Variants in PARVA observed in about 807,000 individuals in gnomAD.
PARVA encodes parvin alpha, also known as alpha-parvin.
Under a neutral mutation model 52.6 loss-of-function variants are expected in PARVA, and 25 were observed. The ratio of observed to expected loss-of-function variants is 0.48; its 90% CI spans 0.35 to 0.66. The LOEUF (loss-of-function observed/expected upper bound fraction) is 0.66, where lower values mean the gene tolerates loss of function less well. Ranked by LOEUF, PARVA falls within the 30% of genes least tolerant of loss-of-function variation. The pLI is 0.01. For missense variants in PARVA, 373 were observed against 450.9 expected (o/e 0.83, Z 1.56); for synonymous variants, 185 against 179.1 (o/e 1.03, Z -0.26).
chr11:12,409,947 A>G (rs1939971278), intron 1 of PARVA, among the ~76,000 whole-genome samples: 1 of 152,242 alleles, frequency 6.6e-6, no homozygotes, highest in South Asian at 2.1e-4. Flanking sequence ...TACCTGCTAC[A>G]TGCCAGGCTG....
intron 1 of PARVA, among the ~76,000 whole-genome samples, chr11:12,471,015 A>T (rs1940925500): frequency 6.6e-6 from 1 of 152,226 alleles, no homozygotes; most frequent in Non-Finnish European, 1.5e-5. Flanking sequence ...TTGGAGGCGG[A>T]GCCCACAATA....
intron 4 of PARVA, among the ~76,000 whole-genome samples, chr11:12,486,421 T>C (rs1265725129): frequency 6.6e-6 from 1 of 151,900 alleles, no homozygotes; most frequent in Non-Finnish European, 1.5e-5. Flanking sequence ...TAATCCCAGC[T>C]ACTTGGGAGG....
chr11:12,496,705 G>T, intron 5 of PARVA, 107 bp downstream of exon 5: 1 of 1,081,408 alleles, frequency 9.2e-7, no homozygotes, highest in Non-Finnish European at 1.3e-6. Flanking sequence ...AGGGGAGGGG[G>T]TCAAACTCAT....
chr11:12,415,965 A>G (rs958473841), intron 1 of PARVA, among the ~76,000 whole-genome samples: 1 of 152,232 alleles, frequency 6.6e-6, no homozygotes, highest in Non-Finnish European at 1.5e-5. Context: ...GCACTAATCT[A>G]TGCTTGCCTT....
intron 1 of PARVA, among the ~76,000 whole-genome samples, chr11:12,398,877 C>A (rs1323520566): frequency 6.6e-6 from 1 of 152,180 alleles, no homozygotes; most frequent in East Asian, 1.9e-4. Flanking sequence ...GTCACCCATG[C>A]CCATGACTTG....
chr11:12,495,480 A>G (rs1276356136), intron 4 of PARVA, among the ~76,000 whole-genome samples: 1 of 152,246 alleles, frequency 6.6e-6, no homozygotes, highest in Non-Finnish European at 1.5e-5. Context: ...AGTTCTGTCA[A>G]TCTTAAATTA....
At chr11:12,502,384 G>C (rs1030198612) in intron 5 of PARVA, among the ~76,000 whole-genome samples, 2 of 151,988 alleles carry the variant, frequency 1.3e-5, no homozygotes, top group African/African-American at 2.4e-5. Context: ...AATGGGCCTA[G>C]TGCATGCGAA....
At chr11:12,498,408 CTTACT>C (rs1589980979) in intron 5 of PARVA, among the ~76,000 whole-genome samples, 1 of 152,244 alleles carries the variant, frequency 6.6e-6, no homozygotes, top group East Asian at 1.9e-4. Flanking sequence ...TTGGTTTATG[CTTACT>C]TTAATTTCTT....
intron 4 of PARVA, among the ~76,000 whole-genome samples, chr11:12,486,198 C>G (rs1432451530): frequency 1.3e-5 from 2 of 152,156 alleles, no homozygotes; most frequent in East Asian, 3.8e-4. Context: ...CTGTTTGTAA[C>G]TTTTCTATAA....
chr11:12,377,808 C>A, intron 1 of PARVA, 25 bp downstream of exon 1: 1 of 1,469,166 alleles, frequency 6.8e-7, no homozygotes, highest in Non-Finnish European at 9.0e-7. Flanking sequence ...GCCGGCCGGG[C>A]GGGCGGTAGG....
chr11:12,427,456 G>C (rs906053288), intron 1 of PARVA, among the ~76,000 whole-genome samples: 1 of 152,110 alleles, frequency 6.6e-6, no homozygotes, highest in African/African-American at 2.4e-5. Context: ...TGAATACATG[G>C]CTATTTTAGC....
chr11:12,434,373 C>T (rs1447769237), intron 1 of PARVA, among the ~76,000 whole-genome samples: 1 of 152,094 alleles, frequency 6.6e-6, no homozygotes, highest in Non-Finnish European at 1.5e-5. Flanking sequence ...CCTGCTGGGA[C>T]CCCCAGTACT....
intron 1 of PARVA, among the ~76,000 whole-genome samples, chr11:12,431,637 T>C (rs1940317870): frequency 6.6e-6 from 1 of 152,242 alleles, no homozygotes; most frequent in Non-Finnish European, 1.5e-5. Context: ...AAAGGCCACC[T>C]GTCCCATGCT....
rs372026167 is a variant in PARVA at position 12,438,340 on chromosome 11, G to A, written c.137-35405G>A. On this transcript the variant is annotated intron_variant, in intron 1 of 12. Coordinates refer to ENST00000334956, the MANE Select transcript of PARVA (RefSeq NM_018222.5). ...GGAGGCTAGGAAGTACAAGATTGAGGGGCTTCATCTGGTGAGGAGCTTCTT... is the reference window on the plus strand; with the variant it reads ...GGAGGCTAGGAAGTACAAGATTGAGAGGCTTCATCTGGTGAGGAGCTTCTT... Among the ~76,000 whole-genome samples, 6 of 152,026 alleles carry A rather than the reference G, an allele frequency of 3.9e-5. No individual in the cohort carries two copies. The East Asian group carries it at 9.7e-4, about 25-fold the overall frequency.
At chr11:12,507,811 ACTT>A (rs1941451008) in intron 6 of PARVA, among the ~76,000 whole-genome samples, 1 of 152,272 alleles carries the variant, frequency 6.6e-6, no homozygotes, top group African/African-American at 2.4e-5. Context: ...TCAGGTGTCT[ACTT>A]CTTCTATCCC....
Position 12,467,202 on chromosome 11 carries a change from T to C in PARVA, c.137-6543T>C, listed in dbSNP as rs539779873. Among the ~76,000 whole-genome samples, 21 of 152,362 alleles carry C rather than the reference T, an allele frequency of 1.4e-4. No individual in the cohort carries two copies. In the East Asian group the frequency reaches 3.9e-3, roughly 28 times the overall value. ...TAGTATATAGGAAGCAATTGATTTT[T>C]GTAAATTAGCCTTGTATCCTGCAAC... is the stretch of plus-strand genomic sequence containing the variant. On this transcript the variant is annotated intron_variant, in intron 1 of 12. Transcript: ENST00000334956.
chr11:12,392,760 T>C (rs1474354819), intron 1 of PARVA, among the ~76,000 whole-genome samples: 1 of 152,106 alleles, frequency 6.6e-6, no homozygotes, highest in African/African-American at 2.4e-5. Flanking sequence ...CAAGTGTATT[T>C]AAACATTTTA....
chr11:12,388,919 G>A (rs748074925), intron 1 of PARVA, among the ~76,000 whole-genome samples: 44 of 151,864 alleles, frequency 2.9e-4, no homozygotes, highest in Non-Finnish European at 4.9e-4. Flanking sequence ...AAAATTCAGG[G>A]TACTTTACTT....
intron 1 of PARVA, chr11:12,453,120 C>G (rs1241898481): frequency 9.0e-6 from 4 of 443,090 alleles, no homozygotes; most frequent in African/African-American, 8.0e-5. Flanking sequence ...CAGCTCGTCT[C>G]TGGGGTTTGA....
Sources: gnomAD v4.1 joint callset for allele counts (sites outside exome capture counted in the v4.1 genomes callset) on GRCh38, gnomAD v4.1.1 for gene constraint, MANE v1.5 for transcripts, NCBI Gene and HGNC (gene_info 2026-07-23, HGNC 2026-07-21) for gene names.